FILIP1: variants seen among roughly 807,000 people sequenced by gnomAD.
The protein encoded by FILIP1 is filamin-A-interacting protein 1.
FILIP1 carries 61 observed loss-of-function variants against 102.1 expected under a neutral mutation model. That is an observed-to-expected ratio of 0.60 (90% CI 0.49 to 0.74). The LOEUF (loss-of-function observed/expected upper bound fraction) is 0.74. Among genes scored for constraint, FILIP1 ranks in the 30% least tolerant of loss-of-function variants. The pLI, the probability that FILIP1 is intolerant of heterozygous loss-of-function variation, is 0.00. For missense variants in FILIP1, 1,314 were observed against 1,441.2 expected (o/e 0.91, Z 1.43); for synonymous variants, 491 against 526.9 (o/e 0.93, Z 0.93).
chr6:75,314,582 T>C lies in FILIP1; in HGVS notation c.1250A>G (p.His417Arg), dbSNP rs780250278. ...AACTTCAAGTCTGAGCTCCTTACTA[T>C]GGTGTTCTTCCTCTTGCAGCTTCTT... ...LRKKLQEEEHHSKELRLEVEK... is the reference protein window; with the variant it reads ...LRKKLQEEEHRSKELRLEVEK... Residue 417 changes from histidine (H) to arginine (R), a missense_variant, in exon 5 of 6, where the codon CAT (histidine) becomes CGT (arginine). This residue lies in a region of FILIP1 where 494 missense variants were observed against 511.2 expected (regional missense o/e 0.97). Transcript: ENST00000237172. 5.0e-6 allele frequency: 8 copies of C among 1,613,998 alleles called. No individual in the cohort carries two copies. The South Asian group carries it at 7.7e-5, about 16-fold the overall frequency.
At chr6:75,348,062 T>TACACACACACACAC (rs148284986) in intron 4 of FILIP1, among the ~76,000 whole-genome samples, 2,601 of 147,290 alleles carry the variant, frequency 0.018, 48 homozygotes, top group Middle Eastern at 0.034. Flanking sequence ...ACATCAGTTA[T>TACACACACACACAC]ACACACACAC....
At chr6:75,377,702 G>T (rs1562521443) in intron 2 of FILIP1, among the ~76,000 whole-genome samples, 1 of 152,232 alleles carries the variant, frequency 6.6e-6, no homozygotes, top group African/African-American at 2.4e-5. Flanking sequence ...TTGTTGAATG[G>T]TGTGTATGTG....
chr6:75,428,385 A>C (rs1274459039), intron 1 of FILIP1: 1 of 153,736 alleles, frequency 6.5e-6, no homozygotes, highest in Non-Finnish European at 1.5e-5. Flanking sequence ...AGTGTACCTC[A>C]GAATCCCCTG....
intron 2 of FILIP1, among the ~76,000 whole-genome samples, chr6:75,404,237 C>T (rs1776756904): frequency 6.6e-6 from 1 of 152,004 alleles, no homozygotes; most frequent in South Asian, 2.1e-4. Context: ...AAGATTGTCC[C>T]CAAAAACAAA....
intron 1 of FILIP1, among the ~76,000 whole-genome samples, chr6:75,454,755 A>G (rs80078380): frequency 0.01 from 1,585 of 152,288 alleles, 26 homozygotes; most frequent in African/African-American, 0.037. Context: ...AATGTTTTTA[A>G]TTAGCAGAAA....
At chr6:75,337,405 T>C (rs1774277912) in intron 4 of FILIP1, among the ~76,000 whole-genome samples, 2 of 152,172 alleles carry the variant, frequency 1.3e-5, no homozygotes. Context: ...TTCAAATTGA[T>C]AAGGAAAAGA....
intron 1 of FILIP1, among the ~76,000 whole-genome samples, chr6:75,476,071 T>C (rs934733597): frequency 6.6e-6 from 1 of 151,912 alleles, no homozygotes; most frequent in Non-Finnish European, 1.5e-5. Flanking sequence ...CAAAATCCCA[T>C]CTCTACTAAA....
chr6:75,414,386 A>T (rs1777180496), intron 2 of FILIP1, among the ~76,000 whole-genome samples: 1 of 152,128 alleles, frequency 6.6e-6, no homozygotes. Context: ...CAATGTCTAA[A>T]TTAGATAACC....
At chr6:75,448,989 G>GA (rs2149732019) in intron 1 of FILIP1, among the ~76,000 whole-genome samples, 1 of 152,206 alleles carries the variant, frequency 6.6e-6, no homozygotes, top group East Asian at 1.9e-4. Flanking sequence ...CTACCCAGAG[G>GA]AAAATAAGGC....
intron 2 of FILIP1, among the ~76,000 whole-genome samples, chr6:75,379,287 G>T (rs1775832453): frequency 6.6e-6 from 1 of 152,010 alleles, no homozygotes; most frequent in Non-Finnish European, 1.5e-5. Context: ...TTAAAATATA[G>T]AAATACATAT....
At chr6:75,410,148 G>A (rs1777011575) in intron 2 of FILIP1, among the ~76,000 whole-genome samples, 1 of 152,100 alleles carries the variant, frequency 6.6e-6, no homozygotes, top group African/African-American at 2.4e-5. Flanking sequence ...TCCAGAGTAA[G>A]GGCATCTGAC....
At chr6:75,482,756 G>T (rs375787714) in intron 1 of FILIP1, among the ~76,000 whole-genome samples, 1 of 152,110 alleles carries the variant, frequency 6.6e-6, no homozygotes, top group African/African-American at 2.4e-5. Context: ...ATCATCAATG[G>T]TCACTAACTG....
At chr6:75,340,512 G>A (rs962587605) in intron 4 of FILIP1, among the ~76,000 whole-genome samples, 8 of 152,128 alleles carry the variant, frequency 5.3e-5, no homozygotes, top group African/African-American at 1.4e-4. Flanking sequence ...AATGTATTAC[G>A]TTTTTATACC....
intron 1 of FILIP1, among the ~76,000 whole-genome samples, chr6:75,466,936 C>G (rs1779187228): frequency 6.6e-6 from 1 of 152,176 alleles, no homozygotes. Flanking sequence ...GGGGCTTTCC[C>G]TAGGATATCC....
At chr6:75,391,676 T>C (rs1479934071) in intron 2 of FILIP1, among the ~76,000 whole-genome samples, 1 of 152,134 alleles carries the variant, frequency 6.6e-6, no homozygotes, top group African/African-American at 2.4e-5. Context: ...GCTCCAGTCT[T>C]TTACCTGTTG....
intron 2 of FILIP1, among the ~76,000 whole-genome samples, chr6:75,372,797 G>GGAAAGAAAGAAAGAAGGAAA (rs1562516268): frequency 0.02 from 836 of 41,420 alleles, 126 homozygotes; most frequent in African/African-American, 0.099. Context: ...AAAGAAAGAA[G>GGAAAGAAAGAAAGAAGGAAA]GAAAGAAAGA....
At chr6:75,451,072 G>A (rs1029910420) in intron 1 of FILIP1, among the ~76,000 whole-genome samples, 2 of 152,000 alleles carry the variant, frequency 1.3e-5, no homozygotes, top group African/African-American at 2.4e-5. Context: ...TGGGTGTCAG[G>A]GAGTGAGAGG....
At chr6:75,389,318 T>C (rs949752156) in intron 2 of FILIP1, among the ~76,000 whole-genome samples, 4 of 152,228 alleles carry the variant, frequency 2.6e-5, no homozygotes, top group African/African-American at 9.6e-5. Flanking sequence ...ATCAGGGATA[T>C]TGGCCTGAAA....
chr6:75,441,747 C>T (rs1414714893), intron 1 of FILIP1, among the ~76,000 whole-genome samples: 5 of 145,870 alleles, frequency 3.4e-5, no homozygotes, highest in African/African-American at 1.3e-4. Context: ...GGCGGCTGGC[C>T]GGGCAGAGGG....
Sources: gnomAD v4.1 joint callset for allele counts (sites outside exome capture counted in the v4.1 genomes callset) on GRCh38, gnomAD v4.1.1 for gene constraint, gnomAD v4.1.1 regional missense constraint, MANE v1.5 for transcripts, NCBI Gene and HGNC (gene_info 2026-07-23, HGNC 2026-07-21) for gene names.